Variants in SAMTOR observed in about 807,000 individuals in gnomAD.
SAMTOR encodes the protein S-adenosylmethionine sensor upstream of mTORC1.
chr7:112,834,791 G>A, the SAMTOR span, among the ~76,000 whole-genome samples: 3 of 151,976 alleles, frequency 2.0e-5, no homozygotes, highest in Non-Finnish European at 2.9e-5. Flanking sequence ...GTAGCCTAAC[G>A]CTAAGTCACA....
chr7:112,919,327 A>T, the SAMTOR span, among the ~76,000 whole-genome samples: 5 of 152,348 alleles, frequency 3.3e-5, no homozygotes, highest in East Asian at 9.6e-4. Flanking sequence ...TGGAAACTGA[A>T]CAACCTGCTC....
chr7:112,856,038 G>A, the SAMTOR span, among the ~76,000 whole-genome samples: 6 of 151,976 alleles, frequency 3.9e-5, no homozygotes, highest in Admixed American at 3.3e-4. Flanking sequence ...GTATATGTGC[G>A]CACATTTGCT....
the SAMTOR span, among the ~76,000 whole-genome samples, chr7:112,859,667 ATG>A: frequency 0.011 from 1,618 of 151,776 alleles, 31 homozygotes; most frequent in African/African-American, 0.037. Flanking sequence ...AGACTAACAA[ATG>A]TGTTTGTGTC....
At chr7:112,890,858 T>G in the SAMTOR span, among the ~76,000 whole-genome samples, 4 of 152,062 alleles carry the variant, frequency 2.6e-5, no homozygotes, top group African/African-American at 9.7e-5. Context: ...ACCTGGCTTT[T>G]TTGTTATTTT....
At chr7:112,900,669 G>A in the SAMTOR span, among the ~76,000 whole-genome samples, 1 of 152,092 alleles carries the variant, frequency 6.6e-6, no homozygotes, top group Non-Finnish European at 1.5e-5. Flanking sequence ...AGACAGTGTG[G>A]TAATGGTGAA....
At chr7:112,873,905 A>T in the SAMTOR span, among the ~76,000 whole-genome samples, 3 of 152,192 alleles carry the variant, frequency 2.0e-5, no homozygotes, top group Non-Finnish European at 4.4e-5. Context: ...GGACATGAAC[A>T]GATATTTAAT....
the SAMTOR span, among the ~76,000 whole-genome samples, chr7:112,875,609 C>T: frequency 6.6e-6 from 1 of 152,104 alleles, no homozygotes; most frequent in Non-Finnish European, 1.5e-5. Context: ...GGCATTACCC[C>T]TTAACCTTTC....
the SAMTOR span, among the ~76,000 whole-genome samples, chr7:112,860,314 CTA>C: frequency 6.6e-6 from 1 of 151,834 alleles, no homozygotes; most frequent in Non-Finnish European, 1.5e-5. Flanking sequence ...TGACACATGG[CTA>C]TATATATATA....
At chr7:112,833,384 C>T in the SAMTOR span, among the ~76,000 whole-genome samples, 44 of 152,224 alleles carry the variant, frequency 2.9e-4, no homozygotes, top group Admixed American at 1.4e-3. Flanking sequence ...ACATGTAATA[C>T]GGGGATAATA....
chr7:112,827,350 T>C, the SAMTOR span, among the ~76,000 whole-genome samples: 4 of 152,222 alleles, frequency 2.6e-5, no homozygotes, highest in Non-Finnish European at 5.9e-5. Context: ...ACTTGATTGT[T>C]GTTCCCTTCC....
the SAMTOR span, among the ~76,000 whole-genome samples, chr7:112,877,284 C>T: frequency 5.9e-5 from 9 of 152,006 alleles, no homozygotes; most frequent in South Asian, 1.9e-3. Flanking sequence ...GAAAGACAGA[C>T]CATAAATAAT....
the SAMTOR span, among the ~76,000 whole-genome samples, chr7:112,825,414 T>C: frequency 1.3e-5 from 2 of 152,244 alleles, no homozygotes; most frequent in African/African-American, 4.8e-5. Flanking sequence ...ATATTTCATA[T>C]ATACTCACAT....
the SAMTOR span, among the ~76,000 whole-genome samples, chr7:112,854,640 G>A: frequency 5.2e-4 from 79 of 152,240 alleles, no homozygotes; most frequent in African/African-American, 1.6e-3. Flanking sequence ...GAATGTAACC[G>A]TCTAATAGCT....
At chr7:112,848,436 A>C in the SAMTOR span, among the ~76,000 whole-genome samples, 2 of 152,184 alleles carry the variant, frequency 1.3e-5, no homozygotes, top group Non-Finnish European at 2.9e-5. Context: ...GAGAGTCCAG[A>C]TACTCAAGAA....
the SAMTOR span, among the ~76,000 whole-genome samples, chr7:112,882,199 A>G: frequency 6.6e-6 from 1 of 152,116 alleles, no homozygotes; most frequent in African/African-American, 2.4e-5. Flanking sequence ...GTTCACTCAC[A>G]CACCCCTTGC....
At chr7:112,902,462 C>CAAAAAAAAAAAAAAAA in the SAMTOR span, among the ~76,000 whole-genome samples, 4 of 83,704 alleles carry the variant, frequency 4.8e-5, no homozygotes, top group Non-Finnish European at 5.3e-5. Flanking sequence ...AAAAAAAAAC[C>CAAAAAAAAAAAAAAAA]AAAAAAGTTG....
the SAMTOR span, among the ~76,000 whole-genome samples, chr7:112,843,551 A>G: frequency 0.04 from 6,140 of 152,142 alleles, 335 homozygotes; most frequent in African/African-American, 0.12. Context: ...GAAGAGACCG[A>G]TAAATTCCTG....
the SAMTOR span, chr7:112,935,311 T>TGG: frequency 2.3e-4 from 85 of 367,984 alleles, no homozygotes; most frequent in Admixed American, 4.3e-4. Context: ...AGTCTCATTC[T>TGG]AATTTTTAAA....
the SAMTOR span, chr7:112,939,848 C>T: frequency 3.2e-6 from 3 of 933,762 alleles, no homozygotes; most frequent in East Asian, 7.8e-5. Context: ...GAGGCAGCAG[C>T]CAGAGGAGGC....
Sources: gnomAD v4.1 joint callset for allele counts (sites outside exome capture counted in the v4.1 genomes callset) on GRCh38, gnomAD v4.1.1 for gene constraint, MANE v1.5 for transcripts, NCBI Gene and HGNC (gene_info 2026-07-23, HGNC 2026-07-21) for gene names.